Variants in AOX1 observed in about 807,000 individuals in gnomAD.
AOX1 encodes aldehyde oxidase 1, also known as aldehyde oxidase.
A neutral mutation model predicts 169.5 loss-of-function variants in AOX1; 153 were observed. The observed-to-expected ratio is 0.90, with a 90% CI of 0.79 to 1.03. The LOEUF (loss-of-function observed/expected upper bound fraction) is 1.03, where lower values mean the gene tolerates loss of function less well. Among genes scored for constraint, AOX1 ranks in the 50% least tolerant of loss-of-function variants. AOX1 has a pLI of 0.00. For synonymous variants in AOX1, 562 were observed against 581.9 expected, an observed-to-expected ratio of 0.97 and a Z score of 0.49; for missense variants, 1,656 against 1,663.9, an observed-to-expected ratio of 1.00 and a Z score of 0.08.
chr2:200,592,871 G>A (rs1427465354), intron 1 of AOX1, among the ~76,000 whole-genome samples: 2 of 152,000 alleles, frequency 1.3e-5, no homozygotes, highest in East Asian at 3.9e-4. Flanking sequence ...GAAAAAACTG[G>A]ACAGGAGGTA....
intron 10 of AOX1, among the ~76,000 whole-genome samples, chr2:200,607,497 T>G (rs993014165): frequency 2.0e-5 from 3 of 152,146 alleles, no homozygotes; most frequent in African/African-American, 7.2e-5. Flanking sequence ...GGAGAAATAG[T>G]AATGCTTTTA....
chr2:200,612,633 C>A lies in AOX1; in HGVS notation c.1288C>A (p.Gln430Lys). The A allele has an allele frequency of 6.2e-7, 1 of 1,613,854 alleles. No homozygotes were observed. The highest frequency in any genetic ancestry group is 1.1e-5 in the South Asian group (1 of 91,026). ...GTGGGAATTTGTGTCAGCCTTCCGA[C>A]AAGCCCAGCGACAGGAGAATGCGCT... ...RKWEFVSAFR[Q>K]AQRQENALAI... is the part of the protein sequence containing the mutation. Residue 430 changes from glutamine (Q) to lysine (K), a missense_variant, in exon 14 of 35, where the codon CAA becomes AAA. Gln to Lys is a moderately conservative substitution (Grantham distance 53). Coordinates refer to ENST00000374700, the MANE Select transcript of AOX1 (RefSeq NM_001159.4).
At chr2:200,624,107 TA>T in intron 19 of AOX1, 124 bp downstream of exon 19, 2 of 1,117,056 alleles carry the variant, frequency 1.8e-6, no homozygotes, top group Non-Finnish European at 2.6e-6. Flanking sequence ...CGGACTTTAT[TA>T]ACCTCTAACC....
At chr2:200,588,081 T>A (rs534494769) in intron 1 of AOX1, 15 of 152,410 alleles carry the variant, frequency 9.8e-5, no homozygotes, top group African/African-American at 3.6e-4. Context: ...AAGTGAGAAG[T>A]GCTAATATAA....
chr2:200,641,060 C>T (rs769446041), intron 23 of AOX1, 38 bp from the exon 24 acceptor site: 1 of 1,505,502 alleles, frequency 6.6e-7, no homozygotes, highest in Non-Finnish European at 9.2e-7. Context: ...AGAGACTTGG[C>T]CCCTGTTCCA....
rs569554139 is a variant in AOX1 at position 200,608,872 on chromosome 2, G to T, written c.908-112G>T. ...TGCCCATCACCACCATCACCAATAA[G>T]CAGGGCAGCATGTATCCAGTATAAA... On this transcript the variant is annotated intron_variant, in intron 10 of 34. Coordinates refer to ENST00000374700, the MANE Select transcript of AOX1 (RefSeq NM_001159.4). 7.0e-5 allele frequency: 63 copies of T among 904,064 alleles called. No individual in the cohort carries two copies. The African/African-American group carries it at 8.5e-4, about 12-fold the overall frequency. 56.0% of individuals were successfully genotyped at this position (904,064 alleles called of 1,614,324 possible).
chr2:200,666,243 C>T (rs181089446), intron 31 of AOX1, among the ~76,000 whole-genome samples: 165 of 152,310 alleles, frequency 1.1e-3, no homozygotes, highest in Admixed American at 4.7e-3. Flanking sequence ...TGTTGGTGCA[C>T]CCTGAACTCT....
At chr2:200,611,620 AG>A (rs2034643270) in intron 13 of AOX1, 127 bp downstream of exon 13, 1 of 665,334 alleles carries the variant, frequency 1.5e-6, no homozygotes, top group East Asian at 2.6e-5. Flanking sequence ...AACTTCAGGA[AG>A]TGGTATGAGG....
In AOX1 at chr2:200,642,804, A is replaced by G. The variant is rs1054682205; in HGVS notation, c.2847+3A>G. The G allele has an allele frequency of 1.2e-6, 2 of 1,610,294 alleles. No homozygotes were observed. Among genetic ancestry groups the G allele is most frequent in the Non-Finnish European group, 1.7e-6 (2 of 1,177,784 alleles). ...AATGTGGACTATCCCCTGAGAAGGT[A>G]ATACTAAATCAGCTTCACAGACAAA... On this transcript the variant is annotated splice_donor_region_variant and intron_variant, in intron 25 of 34. Transcript: ENST00000374700.
At chr2:200,609,488 T>G in intron 12 of AOX1, 74 bp downstream of exon 12, 4 of 1,279,978 alleles carry the variant, frequency 3.1e-6, no homozygotes, top group Non-Finnish European at 4.5e-6. Flanking sequence ...AGGCAGGAAA[T>G]CCAGTCTTGA....
intron 25 of AOX1, among the ~76,000 whole-genome samples, chr2:200,646,888 G>C (rs1017738869): frequency 6.6e-6 from 1 of 152,052 alleles, no homozygotes; most frequent in Non-Finnish European, 1.5e-5. Context: ...AGCTACTCCT[G>C]CTCGCTTTTG....
chr2:200,653,234 T>C (rs1473981458), intron 26 of AOX1, among the ~76,000 whole-genome samples: 1 of 152,186 alleles, frequency 6.6e-6, no homozygotes, highest in Non-Finnish European at 1.5e-5. Context: ...TACAAATTCA[T>C]TCTTGAAGGC....
At position 200,641,199 on chromosome 2, in the gene AOX1, GA is replaced by G. The variant is rs751921107; in HGVS notation, c.2655+16del. On this transcript the variant is annotated intron_variant, in intron 24 of 34. Transcript: ENST00000374700. ...AATCATTATTCGTAAGTGTTTTAAG[GA>G]GCAAGTTCACATTCCTGAAAAGAGT... 1.3e-6 allele frequency: 2 copies of G among 1,551,646 alleles called. No homozygotes were observed. Among genetic ancestry groups the G allele is most frequent in the Non-Finnish European group, 1.8e-6 (2 of 1,124,170 alleles).
intron 16 of AOX1, among the ~76,000 whole-genome samples, chr2:200,618,358 A>C (rs1489341200): frequency 6.6e-6 from 1 of 152,224 alleles, no homozygotes; most frequent in South Asian, 2.1e-4. Flanking sequence ...GCTTATCAAC[A>C]GTGTTTATTT....
At chr2:200,651,472 G>T (rs888236387) in intron 26 of AOX1, among the ~76,000 whole-genome samples, 1 of 152,180 alleles carries the variant, frequency 6.6e-6, no homozygotes, top group Admixed American at 6.5e-5. Flanking sequence ...GGCAACAGGA[G>T]TTGGCAAATG....
chr2:200,603,443 A>T (rs35057419), intron 7 of AOX1, 87 bp downstream of exon 7: 1 of 1,021,480 alleles, frequency 9.8e-7, no homozygotes, highest in East Asian at 2.5e-5. Flanking sequence ...TGGCTACCCA[A>T]GTTGACTAAC....
chr2:200,670,967 G>C lies in AOX1; in HGVS notation c.*288G>C, dbSNP rs185696983. 1 of 334,778 alleles carries C rather than the reference G, an allele frequency of 3.0e-6. No individual in the cohort carries two copies. 20.7% of individuals were successfully genotyped at this position (334,778 alleles called of 1,614,324 possible). A position where few individuals can be genotyped will look rare whatever the true frequency, so the allele number is the denominator to read the frequency against. ...TCAATCCATCCAGCTAAATGGAATAGGTGATGACTTGCATGTGACTCCTAC... is the reference window on the plus strand; with the variant it reads ...TCAATCCATCCAGCTAAATGGAATACGTGATGACTTGCATGTGACTCCTAC... On this transcript the variant is annotated 3_prime_UTR_variant, in exon 35 of 35. Transcript: ENST00000374700.
At chr2:200,613,559 G>A (rs2034689445) in intron 14 of AOX1, among the ~76,000 whole-genome samples, 1 of 152,254 alleles carries the variant, frequency 6.6e-6, no homozygotes, top group East Asian at 1.9e-4. Flanking sequence ...TATATGAGTT[G>A]TCATTTATTT....
intron 20 of AOX1, among the ~76,000 whole-genome samples, chr2:200,632,909 T>C (rs1262758976): frequency 6.6e-6 from 1 of 151,540 alleles, no homozygotes; most frequent in Non-Finnish European, 1.5e-5. Context: ...TTTCTTTTTT[T>C]TTTTTCAGAT....
Sources: gnomAD v4.1 joint callset for allele counts (sites outside exome capture counted in the v4.1 genomes callset) on GRCh38, gnomAD v4.1.1 for gene constraint, MANE v1.5 for transcripts, NCBI Gene and HGNC (gene_info 2026-07-23, HGNC 2026-07-21) for gene names.